The following RORA variants were observed in gnomAD, a reference collection of about 807,000 sequenced individuals.
RORA encodes the protein nuclear receptor ROR-alpha.
Under a neutral mutation model 69.5 loss-of-function variants are expected in RORA, and 7 were observed. The ratio of observed to expected loss-of-function variants is 0.10; its 90% CI spans 0.06 to 0.19. The LOEUF (loss-of-function observed/expected upper bound fraction) is 0.19, where lower values mean the gene tolerates loss of function less well. Ranked by LOEUF, RORA falls within the 10% of genes least tolerant of loss-of-function variation. The probability of loss-of-function intolerance (pLI) is 1.00; values close to 1 mark genes in which losing one functional copy is unlikely to be tolerated. For synonymous variants in RORA, 261 were observed against 240.8 expected (o/e 1.08, Z -0.78); for missense variants, 457 against 663.0 (o/e 0.69, Z 3.41).
intron 1 of RORA, among the ~76,000 whole-genome samples, chr15:60,876,322 G>T (rs964126004): frequency 5.0e-5 from 7 of 139,378 alleles, no homozygotes; most frequent in Non-Finnish European, 9.7e-5. Context: ...GGGGGGGGGG[G>T]GGGGCGGCTA....
intron 1 of RORA, among the ~76,000 whole-genome samples, chr15:61,220,505 T>C (rs1426257984): frequency 6.6e-6 from 1 of 152,248 alleles, no homozygotes; most frequent in East Asian, 1.9e-4. Context: ...CTCCTCCCCA[T>C]GACTGGCATC....
At chr15:61,033,818 C>T (rs1478236197) in intron 1 of RORA, among the ~76,000 whole-genome samples, 1 of 151,850 alleles carries the variant, frequency 6.6e-6, no homozygotes, top group Admixed American at 6.6e-5. Context: ...CCTATAGTCC[C>T]GACTACTTGG....
At chr15:60,823,072 C>G (rs954298874) in intron 1 of RORA, among the ~76,000 whole-genome samples, 3 of 136,054 alleles carry the variant, frequency 2.2e-5, no homozygotes, top group Non-Finnish European at 4.8e-5. Context: ...CCCTCCCTCC[C>G]TTCCTTCCTT....
intron 1 of RORA, among the ~76,000 whole-genome samples, chr15:61,031,638 T>A (rs558136975): frequency 6.6e-6 from 1 of 152,288 alleles, no homozygotes; most frequent in African/African-American, 2.4e-5. Flanking sequence ...CCAGATGTAC[T>A]GTTCAGTGGA....
chr15:60,944,469 C>T (rs1045389244), intron 1 of RORA, among the ~76,000 whole-genome samples: 7 of 152,132 alleles, frequency 4.6e-5, no homozygotes, highest in African/African-American at 1.4e-4. Flanking sequence ...GTAATCCCAG[C>T]ACTTTGGGAG....
chr15:60,830,009 A>T (rs1417203179), intron 1 of RORA, among the ~76,000 whole-genome samples: 1 of 152,226 alleles, frequency 6.6e-6, no homozygotes, highest in Non-Finnish European at 1.5e-5. Flanking sequence ...TAAATGAACA[A>T]ACAACTTTAA....
rs5813049 is a variant in RORA, at chr15:60,884,333, ATT to A, written c.167-205649_167-205648del. On this transcript the variant is annotated intron_variant, in intron 1 of 10. Transcript: ENST00000335670. ...ATATGATTCTCACATCCTTTGTAGA[ATT>A]TTTTTTTTTTTTCAAAAGTGCCTCT... Among the ~76,000 whole-genome samples, 1,440 of 147,312 alleles carry A rather than the reference ATT, an allele frequency of 9.8e-3. 13 individuals carry two copies. Among genetic ancestry groups the A allele is most frequent in the African/African-American group, 0.025 (990 of 40,094 alleles).
chr15:60,867,884 T>A (rs964119787), intron 1 of RORA, among the ~76,000 whole-genome samples: 2 of 152,124 alleles, frequency 1.3e-5, no homozygotes, highest in African/African-American at 4.8e-5. Flanking sequence ...CGAAATAAAT[T>A]GATGCACTCT....
At chr15:61,093,462 A>G (rs1271577407) in intron 1 of RORA, among the ~76,000 whole-genome samples, 7 of 152,202 alleles carry the variant, frequency 4.6e-5, no homozygotes, top group African/African-American at 1.4e-4. Context: ...CTATGCCTGG[A>G]GATACAGACC....
At chr15:60,553,444 C>G (rs2067276265) in intron 2 of RORA, among the ~76,000 whole-genome samples, 1 of 152,102 alleles carries the variant, frequency 6.6e-6, no homozygotes. Flanking sequence ...CAGAGACTAA[C>G]AGCTATTTTA....
intron 2 of RORA, among the ~76,000 whole-genome samples, chr15:60,605,219 A>G (rs548759191): frequency 9.6e-5 from 11 of 114,814 alleles, no homozygotes; most frequent in African/African-American, 4.0e-4. Context: ...TGTCTACTCC[A>G]TTTCAAAAAA....
At chr15:60,687,013 T>A (rs918231339) in intron 1 of RORA, 11 of 152,250 alleles carry the variant, frequency 7.2e-5, no homozygotes, top group Admixed American at 7.2e-4. Flanking sequence ...GAACGAAGTC[T>A]GCTACTGATG....
intron 2 of RORA, among the ~76,000 whole-genome samples, chr15:60,672,976 C>G (rs773292241): frequency 6.6e-6 from 1 of 152,124 alleles, no homozygotes; most frequent in Admixed American, 6.5e-5. Flanking sequence ...AAGCATTTAT[C>G]AAGTATGTAA....
intron 1 of RORA, among the ~76,000 whole-genome samples, chr15:61,110,132 C>G (rs1371564959): frequency 6.6e-6 from 1 of 152,210 alleles, no homozygotes; most frequent in Non-Finnish European, 1.5e-5. Context: ...GGCATGGTGG[C>G]TCACGCCTGT....
chr15:61,052,590 G>C (rs2078029642), intron 1 of RORA, among the ~76,000 whole-genome samples: 1 of 152,176 alleles, frequency 6.6e-6, no homozygotes, highest in Non-Finnish European at 1.5e-5. Context: ...TGCTTTACCA[G>C]ATCAAAGACA....
chr15:60,934,639 C>T (rs1046328803), intron 1 of RORA, among the ~76,000 whole-genome samples: 1 of 152,106 alleles, frequency 6.6e-6, no homozygotes, highest in Admixed American at 6.5e-5. Context: ...TGAGTCATCA[C>T]ACTGGCTCAA....
At chr15:60,544,249 T>C (rs1157862327) in intron 2 of RORA, among the ~76,000 whole-genome samples, 2 of 152,220 alleles carry the variant, frequency 1.3e-5, no homozygotes, top group Admixed American at 6.5e-5. Context: ...AGCTGAACTC[T>C]CATTTCCCCA....
intron 1 of RORA, among the ~76,000 whole-genome samples, chr15:61,015,947 T>A (rs1034073255): frequency 6.6e-6 from 1 of 152,208 alleles, no homozygotes; most frequent in Admixed American, 6.5e-5. Flanking sequence ...ACGTGGAATA[T>A]GGATAAACCA....
At chr15:60,754,918 G>A (rs1871858) in intron 1 of RORA, among the ~76,000 whole-genome samples, 2 of 151,498 alleles carry the variant, frequency 1.3e-5, no homozygotes, top group African/African-American at 4.9e-5. Flanking sequence ...TGCTCAGTCT[G>A]GAATGGATAT....
Sources: gnomAD v4.1 joint callset for allele counts (sites outside exome capture counted in the v4.1 genomes callset) on GRCh38, gnomAD v4.1.1 for gene constraint, MANE v1.5 for transcripts, NCBI Gene and HGNC (gene_info 2026-07-23, HGNC 2026-07-21) for gene names.